Variants in TASP1 observed in about 807,000 individuals in gnomAD.
TASP1 encodes the protein taspase 1, also known as threonine aspartase 1.
Under a neutral mutation model 56.6 loss-of-function variants are expected in TASP1, and 16 were observed. The observed-to-expected ratio is 0.28, with a 90% CI of 0.19 to 0.43. TASP1 has a LOEUF of 0.43. Among genes scored for constraint, TASP1 ranks in the 20% least tolerant of loss-of-function variants. The pLI, the probability that TASP1 is intolerant of heterozygous loss-of-function variation, is 1.00. For synonymous variants in TASP1, 179 were observed against 184.2 expected (o/e 0.97, Z 0.23); for missense variants, 393 against 511.6 (o/e 0.77, Z 2.24).
the TASP1 span, among the ~76,000 whole-genome samples, chr20:13,269,449 C>A: frequency 1.3e-5 from 2 of 152,208 alleles, no homozygotes; most frequent in Admixed American, 1.3e-4. Flanking sequence ...AATGCCTTTT[C>A]GTGACTTTTT....
intron 6 of TASP1, among the ~76,000 whole-genome samples, chr20:13,577,148 A>G (rs572622239): frequency 6.6e-5 from 10 of 152,266 alleles, no homozygotes; most frequent in African/African-American, 2.4e-4. Context: ...GGGACAGTAG[A>G]AGGAACAAGG....
At chr20:13,526,498 C>T (rs2044985534) in intron 10 of TASP1, among the ~76,000 whole-genome samples, 1 of 152,108 alleles carries the variant, frequency 6.6e-6, no homozygotes, top group African/African-American at 2.4e-5. Flanking sequence ...TTTCATGTGC[C>T]ACCAATATTA....
chr20:13,222,482 C>T, the TASP1 span, among the ~76,000 whole-genome samples: 1 of 152,066 alleles, frequency 6.6e-6, no homozygotes, highest in African/African-American at 2.4e-5. Flanking sequence ...CTCCGGGAGC[C>T]TCGCCTGAGG....
At chr20:13,591,148 G>C (rs1189416732) in intron 4 of TASP1, among the ~76,000 whole-genome samples, 2 of 151,992 alleles carry the variant, frequency 1.3e-5, no homozygotes, top group African/African-American at 4.8e-5. Context: ...CACGTAACTG[G>C]AGTCCCAAAT....
downstream of TASP1, among the ~76,000 whole-genome samples, chr20:13,387,177 T>C (rs1435484095): frequency 1.4e-5 from 2 of 147,622 alleles, no homozygotes; most frequent in Non-Finnish European, 3.0e-5. Context: ...AGAGAGGACA[T>C]GATTTCATTT....
the TASP1 span, among the ~76,000 whole-genome samples, chr20:13,376,992 T>C: frequency 0.018 from 2,701 of 152,314 alleles, 76 homozygotes; most frequent in African/African-American, 0.059. Flanking sequence ...AATGGGGTTT[T>C]CTAAATATAC....
intron 4 of TASP1, among the ~76,000 whole-genome samples, chr20:13,591,242 G>A (rs1296201886): frequency 6.6e-6 from 1 of 151,850 alleles, no homozygotes; most frequent in Non-Finnish European, 1.5e-5. Context: ...ACAAATCCAA[G>A]AAGCTCAACA....
At chr20:13,335,773 T>A in the TASP1 span, among the ~76,000 whole-genome samples, 21,840 of 151,174 alleles carry the variant, frequency 0.14, 1,936 homozygotes, top group African/African-American at 0.23. Context: ...GTTGAAAAAA[T>A]GTCCAGAGAG....
At chr20:13,543,932 T>C (rs1157990073) in intron 8 of TASP1, among the ~76,000 whole-genome samples, 1 of 152,222 alleles carries the variant, frequency 6.6e-6, no homozygotes, top group Non-Finnish European at 1.5e-5. Context: ...TCTTCCCTAA[T>C]GTACCATTTT....
chr20:13,486,540 C>T (rs967881422), intron 10 of TASP1, among the ~76,000 whole-genome samples: 2 of 152,146 alleles, frequency 1.3e-5, no homozygotes, highest in Admixed American at 6.6e-5. Flanking sequence ...AAGCATGTTT[C>T]TGTCCTTCCA....
chr20:13,497,634 T>C (rs565376952), intron 10 of TASP1, among the ~76,000 whole-genome samples: 1 of 152,046 alleles, frequency 6.6e-6, no homozygotes, highest in African/African-American at 2.4e-5. Flanking sequence ...CATCAGAATA[T>C]CTCAAGCCAG....
intron 3 of TASP1, 29 bp downstream of exon 3, chr20:13,625,156 T>A: frequency 6.6e-7 from 1 of 1,509,622 alleles, no homozygotes; most frequent in South Asian, 1.3e-5. Flanking sequence ...AAAACTGCAA[T>A]GCACAGATCA....
At chr20:13,231,811 C>T in the TASP1 span, among the ~76,000 whole-genome samples, 5 of 152,284 alleles carry the variant, frequency 3.3e-5, no homozygotes, top group Admixed American at 3.3e-4. Flanking sequence ...CTCTGAGCTG[C>T]CTGATTTGCA....
chr20:13,290,668 A>C, the TASP1 span, among the ~76,000 whole-genome samples: 8 of 152,212 alleles, frequency 5.3e-5, no homozygotes, highest in African/African-American at 9.6e-5. Context: ...AAAACAAAAA[A>C]AGAAAGAAAG....
downstream of TASP1, among the ~76,000 whole-genome samples, chr20:13,387,933 G>C (rs1239728921): frequency 6.6e-6 from 1 of 152,234 alleles, no homozygotes; most frequent in African/African-American, 2.4e-5. Flanking sequence ...AGGCACTCCA[G>C]GTGCCTTAAG....
intron 13 of TASP1, among the ~76,000 whole-genome samples, chr20:13,406,545 T>C (rs981579740): frequency 3.3e-5 from 5 of 152,222 alleles, no homozygotes; most frequent in African/African-American, 1.2e-4. Flanking sequence ...GTTGTCAGTG[T>C]TAGAAAGAAA....
the TASP1 span, chr20:13,153,893 C>A: frequency 7.1e-7 from 1 of 1,403,812 alleles, no homozygotes; most frequent in Non-Finnish European, 9.8e-7. Flanking sequence ...CTCCTCCCAG[C>A]TAGTGCTGCT....
intron 11 of TASP1, among the ~76,000 whole-genome samples, chr20:13,479,250 G>A (rs1480920293): frequency 1.3e-5 from 2 of 151,990 alleles, no homozygotes; most frequent in Non-Finnish European, 2.9e-5. Flanking sequence ...AGAATCACTA[G>A]ATATTTTATA....
rs1329408709 is a variant in TASP1, at chr20:13,434,979, A to C, written c.1096+65T>G. ...TTAAAATTATTGACTTAAGGGTATA[A>C]ATATTTTCATTTTTTCTTGGAAAAA... On this transcript the variant is annotated intron_variant, in intron 12 of 13. Transcript: ENST00000337743. 3.3e-6 allele frequency: 4 copies of C among 1,207,102 alleles called. No homozygotes were observed. In the African/African-American group the frequency reaches 4.6e-5, roughly 14 times the overall value. The allele number at this position is 1,207,102 out of a possible 1,614,324, so 74.8% of individuals were successfully genotyped here. A position where few individuals can be genotyped will look rare whatever the true frequency, so the allele number is the denominator to read the frequency against.
Sources: allele counts gnomAD v4.1 joint callset (sites outside exome capture counted in the v4.1 genomes callset), GRCh38; gene constraint gnomAD v4.1.1; transcripts MANE v1.5; gene names NCBI Gene and HGNC (gene_info 2026-07-23, HGNC 2026-07-21).